Variants in DNAH9 observed in about 807,000 individuals in gnomAD.
DNAH9 encodes the protein DNAH9 variant protein.
DNAH9 carries 345 observed loss-of-function variants against 471.6 expected under a neutral mutation model. The ratio of observed to expected loss-of-function variants is 0.73; its 90% CI spans 0.67 to 0.80. The LOEUF (loss-of-function observed/expected upper bound fraction) is 0.80, where lower values mean the gene tolerates loss of function less well. Ranked by LOEUF, DNAH9 falls within the 30% of genes least tolerant of loss-of-function variation. DNAH9 has a pLI of 0.00. For missense variants in DNAH9, 5,407 were observed against 5,609.2 expected (o/e 0.96, Z 1.15); for synonymous variants, 2,093 against 2,123.6 (o/e 0.99, Z 0.40).
chr17:11,717,016 T>G (rs1313814091), intron 26 of DNAH9, among the ~76,000 whole-genome samples: 1 of 152,144 alleles, frequency 6.6e-6, no homozygotes, highest in Non-Finnish European at 1.5e-5. Flanking sequence ...TAGGGCTCCA[T>G]GAATATCTAG....
chr17:11,857,452 C>G (rs918307649), intron 50 of DNAH9, among the ~76,000 whole-genome samples: 20 of 152,154 alleles, frequency 1.3e-4, no homozygotes, highest in Non-Finnish European at 2.5e-4. Flanking sequence ...GAGACCCACC[C>G]AGGGCAAGAG....
chr17:11,936,250 A>T (rs3785945), intron 65 of DNAH9, among the ~76,000 whole-genome samples: 38,463 of 152,082 alleles, frequency 0.25, 5,659 homozygotes, highest in Non-Finnish European at 0.33. Flanking sequence ...GGTGTTAATA[A>T]CACCAAGGAA....
At chr17:11,929,286 A>C (rs566101306) in intron 62 of DNAH9, among the ~76,000 whole-genome samples, 1 of 152,050 alleles carries the variant, frequency 6.6e-6, no homozygotes, top group African/African-American at 2.4e-5. Flanking sequence ...CGCCTGCCTC[A>C]GCCTCCCAAA....
intron 14 of DNAH9, among the ~76,000 whole-genome samples, chr17:11,654,047 A>C (rs2073570726): frequency 6.7e-6 from 1 of 150,164 alleles, no homozygotes; most frequent in African/African-American, 2.5e-5. Flanking sequence ...GAATTACTTA[A>C]GATTTTAAAA....
At chr17:11,884,281 G>A (rs1380255989) in intron 56 of DNAH9, 1 of 209,998 alleles carries the variant, frequency 4.8e-6, no homozygotes, top group Non-Finnish European at 9.8e-6. Context: ...ACTGTGTGTA[G>A]CTTCCTTTAT....
chr17:11,866,177 A>G (rs2150981826), intron 50 of DNAH9, among the ~76,000 whole-genome samples: 1 of 150,320 alleles, frequency 6.7e-6, no homozygotes, highest in African/African-American at 2.4e-5. Context: ...GATGATGGTG[A>G]TGTACAGATG....
At chr17:11,770,488 G>A (rs888300053) in intron 38 of DNAH9, among the ~76,000 whole-genome samples, 3 of 152,194 alleles carry the variant, frequency 2.0e-5, no homozygotes, top group Non-Finnish European at 4.4e-5. Context: ...AGAGCAGCTA[G>A]GTGCCTGGAG....
chr17:11,769,906 C>T (rs1229895229), intron 38 of DNAH9, among the ~76,000 whole-genome samples: 2 of 152,226 alleles, frequency 1.3e-5, no homozygotes, highest in East Asian at 3.8e-4. Flanking sequence ...CTCCCCTTAA[C>T]TCATTTACGA....
chr17:11,669,083 C>A lies in DNAH9; in HGVS notation c.2751C>A (p.Thr917=). ...TTTCAGAGTGTAAGGCAGGACTTAC[C>A]CCAATATTTGAAGCACAACTGAGTC... ...LENTECKAGL[T]PIFEAQLSLA... is the part of the protein sequence containing the mutation. Residue 917 remains threonine, a synonymous_variant, in exon 16 of 69, where the codon ACC becomes ACA. Transcript: ENST00000262442. 1 of 1,612,670 alleles carries A rather than the reference C, an allele frequency of 6.2e-7. No individual in the cohort carries two copies. Among genetic ancestry groups the A allele is most frequent in the Non-Finnish European group, 8.5e-7 (1 of 1,179,194 alleles).
chr17:11,768,717 C>G, intron 37 of DNAH9, 91 bp downstream of exon 37: 1 of 1,471,872 alleles, frequency 6.8e-7, no homozygotes, highest in African/African-American at 1.4e-5. Flanking sequence ...GCTATCTGAG[C>G]ATTTGTCCTT....
rs542893718 is a variant in DNAH9 at position 11,954,243 on chromosome 17, G to C, written c.12844-7624G>C. Among the ~76,000 whole-genome samples, 190 of 151,934 alleles carry C rather than the reference G, an allele frequency of 1.3e-3. 1 individual carries two copies. The highest frequency in any genetic ancestry group is 4.1e-3 in the African/African-American group (171 of 41,442). ...AAGGATGGGGTTGTTGATGGGGAAG[G>C]GGGGGGCCAAAAAAACTATTTGAAG... On this transcript the variant is annotated intron_variant, in intron 67 of 68. Coordinates refer to ENST00000262442, the MANE Select transcript of DNAH9 (RefSeq NM_001372.4).
intron 62 of DNAH9, among the ~76,000 whole-genome samples, chr17:11,928,824 T>C (rs1974410810): frequency 6.6e-6 from 1 of 152,178 alleles, no homozygotes; most frequent in Non-Finnish European, 1.5e-5. Context: ...TTAACGTATG[T>C]ACCAATTACC....
chr17:11,798,700 G>A (rs905939623), intron 43 of DNAH9, among the ~76,000 whole-genome samples: 2 of 151,940 alleles, frequency 1.3e-5, no homozygotes, highest in African/African-American at 4.8e-5. Flanking sequence ...GGGTACTCAC[G>A]GTCTTAGCAA....
intron 59 of DNAH9, among the ~76,000 whole-genome samples, chr17:11,895,290 G>T (rs994861541): frequency 3.9e-5 from 6 of 152,162 alleles, no homozygotes; most frequent in African/African-American, 1.4e-4. Context: ...CAGAGTCCAG[G>T]CCTGCACTCC....
intron 8 of DNAH9, among the ~76,000 whole-genome samples, chr17:11,635,713 C>T (rs554481471): frequency 8.1e-4 from 124 of 152,148 alleles, no homozygotes; most frequent in Non-Finnish European, 1.2e-3. Flanking sequence ...GGAAGAAACA[C>T]AGTCTAGGAG....
chr17:11,835,180 C>T (rs758827980), intron 49 of DNAH9, among the ~76,000 whole-genome samples: 6 of 152,132 alleles, frequency 3.9e-5, no homozygotes, highest in Non-Finnish European at 7.4e-5. Flanking sequence ...AACCAAGGCC[C>T]AGGGAGGAGG....
chr17:11,901,314 A>C (rs1035335986), intron 59 of DNAH9, among the ~76,000 whole-genome samples: 8 of 152,194 alleles, frequency 5.3e-5, no homozygotes, highest in Non-Finnish European at 8.8e-5. Context: ...TCAACTCTGC[A>C]AGTATCTCTA....
At chr17:11,615,553 C>T (rs184179530) in intron 4 of DNAH9, among the ~76,000 whole-genome samples, 2 of 151,922 alleles carry the variant, frequency 1.3e-5, no homozygotes, top group East Asian at 1.9e-4. Flanking sequence ...CCACTGCACT[C>T]CAGCCTGGGT....
intron 38 of DNAH9, among the ~76,000 whole-genome samples, chr17:11,771,832 A>G (rs1444294725): frequency 6.6e-6 from 1 of 152,242 alleles, no homozygotes; most frequent in Non-Finnish European, 1.5e-5. Context: ...ACATTTATCA[A>G]AGACTTATCA....
Sources: allele counts gnomAD v4.1 joint callset (sites outside exome capture counted in the v4.1 genomes callset), GRCh38; gene constraint gnomAD v4.1.1; transcripts MANE v1.5; gene names NCBI Gene and HGNC (gene_info 2026-07-23, HGNC 2026-07-21).